The following PDE6A variants were observed in gnomAD, a reference collection of about 807,000 sequenced individuals.
PDE6A encodes the protein phosphodiesterase 6A.
Under a neutral mutation model 106.3 loss-of-function variants are expected in PDE6A, and 84 were observed. The ratio of observed to expected loss-of-function variants is 0.79; its 90% CI spans 0.66 to 0.95. PDE6A has a LOEUF of 0.95. Among genes scored for constraint, PDE6A ranks in the 40% least tolerant of loss-of-function variants. The pLI, the probability that PDE6A is intolerant of heterozygous loss-of-function variation, is 0.00. For synonymous variants in PDE6A, 394 were observed against 386.6 expected (o/e 1.02, Z -0.23); for missense variants, 1,052 against 1,084.9 (o/e 0.97, Z 0.43).
At chr5:149,898,239 A>G (rs908562166) in intron 10 of PDE6A, 124 bp downstream of exon 10, 2 of 803,664 alleles carry the variant, frequency 2.5e-6, no homozygotes, top group African/African-American at 3.4e-5. Flanking sequence ...AGGAAGGAAC[A>G]CAACAGTGCA....
intron 1 of PDE6A, among the ~76,000 whole-genome samples, chr5:149,935,424 C>A (rs183015873): frequency 9.2e-5 from 14 of 152,280 alleles, no homozygotes; most frequent in South Asian, 6.2e-4. Flanking sequence ...ACCACACAAC[C>A]AGTTCAGTAG....
Position 149,896,711 on chromosome 5 carries a change from C to T in PDE6A, c.1473G>A (p.Leu491=). 1 of 1,614,168 alleles carries T rather than the reference C, an allele frequency of 6.2e-7. No homozygotes were observed. Among genetic ancestry groups the T allele is most frequent in the Non-Finnish European group, 8.5e-7 (1 of 1,180,032 alleles). Reference sequence around the variant, plus strand: ...CTCGTGCTGCCCCGGTTCAGCTCACCAGGATCTCAGCCAGCTCCTCTTCCT... The same window carrying T: ...CTCGTGCTGCCCCGGTTCAGCTCACTAGGATCTCAGCCAGCTCCTCTTCCT... ...ECEEEELAEI[L]QAELPDADKY... The change falls in exon 11 of 22, where the codon CTG becomes CTA. Residue 491 remains leucine, a splice_region_variant and synonymous_variant. Transcript: ENST00000255266.
intron 15 of PDE6A, 44 bp from the exon 16 acceptor site, chr5:149,884,623 G>A: frequency 6.5e-7 from 1 of 1,535,420 alleles, no homozygotes; most frequent in South Asian, 1.1e-5. Flanking sequence ...ATTGATGCTG[G>A]CAGTAAAGTC....
At chr5:149,861,916 A>G (rs960344953) in intron 21 of PDE6A, among the ~76,000 whole-genome samples, 4 of 152,164 alleles carry the variant, frequency 2.6e-5, no homozygotes, top group Non-Finnish European at 5.9e-5. Flanking sequence ...CCTCACTGCC[A>G]TTTTTCTGGA....
Position 149,895,227 on chromosome 5 carries a change from G to T in PDE6A, c.1684C>A (p.Arg562=). 6 of 1,614,044 alleles carry T rather than the reference G, an allele frequency of 3.7e-6. No individual in the cohort carries two copies. Among genetic ancestry groups the T allele is most frequent in the African/African-American group, 1.3e-5 (1 of 75,046 alleles). The change falls in exon 13 of 22, where the codon CGG becomes AGG. Residue 562 remains arginine (R), a synonymous_variant. Coordinates refer to ENST00000255266, the MANE Select transcript of PDE6A (RefSeq NM_000440.3). ...GTCTGCCCCACGTTGAAGCCGTGCC[G>T]CCAGTTGTGGTAGGTGATCTTGCGG... The part of the protein sequence containing the change: ...GYRKITYHNW[R]HGFNVGQTMF...
chr5:149,891,889 C>A lies in PDE6A; in HGVS notation c.1728+3294G>T, dbSNP rs527790105. 3.3e-5 allele frequency among the ~76,000 whole-genome samples: 5 copies of A among 152,172 alleles called. 1 individual carries two copies. The highest frequency in any genetic ancestry group is 7.3e-5 in the Non-Finnish European group (5 of 68,036). On this transcript the variant is annotated intron_variant, in intron 13 of 21. Coordinates refer to ENST00000255266, the MANE Select transcript of PDE6A (RefSeq NM_000440.3). ...AATCTCAGGCAACACATTTCCAGCA[C>A]CCACTGGATCATCTGAACACTTACA...
intron 1 of PDE6A, among the ~76,000 whole-genome samples, chr5:149,935,128 T>C (rs1451912266): frequency 6.6e-6 from 1 of 152,202 alleles, no homozygotes; most frequent in Admixed American, 6.5e-5. Flanking sequence ...TGCATGGCAT[T>C]TTACCTGCGT....
rs138367105 is a variant in PDE6A at position 149,906,264 on chromosome 5, G to A, written c.1065+1048C>T. On this transcript the variant is annotated intron_variant, in intron 7 of 21. Transcript: ENST00000255266. ...TTTGAGGATGAGCATGGTGGTTCAC[G>A]CCTATAATCCCAGCACTTTGGGAGG... 5.2e-4 allele frequency among the ~76,000 whole-genome samples: 79 copies of A among 151,668 alleles called. No homozygotes were observed. In the East Asian group the frequency reaches 0.014, roughly 27 times the overall value.
chr5:149,858,886 A>G lies in PDE6A; in HGVS notation c.*2009T>C, dbSNP rs2005909. On this transcript the variant is annotated 3_prime_UTR_variant, in exon 22 of 22. Coordinates refer to ENST00000255266, the MANE Select transcript of PDE6A (RefSeq NM_000440.3). ...GTTGCCCAGGCTGGAGTGCAGTGGC[A>G]TGATCTCAGCTCACTGCAACCTTCG... 0.61 allele frequency: 85,747 copies of G among 140,954 alleles called. 25,492 individuals carry two copies. The highest frequency in any genetic ancestry group is 0.68 in the African/African-American group (25,648 of 37,958). The allele number at this position is 140,954 out of a possible 1,614,324, so 8.7% of individuals were successfully genotyped here.
At chr5:149,931,215 G>C in intron 3 of PDE6A, 47 bp from the exon 4 acceptor site, 1 of 1,574,976 alleles carries the variant, frequency 6.3e-7, no homozygotes, top group South Asian at 1.1e-5. Flanking sequence ...GTGCAAAGTA[G>C]TAGCTCACTT....
chr5:149,871,062 T>G (rs1760530961), intron 17 of PDE6A, among the ~76,000 whole-genome samples: 1 of 152,166 alleles, frequency 6.6e-6, no homozygotes, highest in Non-Finnish European at 1.5e-5. Flanking sequence ...AGGAGCCCTC[T>G]GTAATGGACA....
chr5:149,876,934 CATAG>C lies in PDE6A; in HGVS notation c.2135+6491_2135+6494del, dbSNP rs1183122335. The stretch of plus-strand genomic sequence containing the variant: ...GAGATGATAGATAGATAGATAGATA[CATAG>C]ATAGATAGATGATAGATAGATAGAT... On this transcript the variant is annotated intron_variant, in intron 17 of 21. Coordinates refer to ENST00000255266, the MANE Select transcript of PDE6A (RefSeq NM_000440.3). 4.3e-3 allele frequency among the ~76,000 whole-genome samples: 609 copies of C among 142,090 alleles called. 1 individual carries two copies. Among genetic ancestry groups the C allele is most frequent in the Non-Finnish European group, 5.4e-3 (364 of 67,480 alleles). The allele number at this position is 142,090 out of a possible 152,430, so 93.2% of individuals were successfully genotyped here. A position where few individuals can be genotyped will look rare whatever the true frequency, so the allele number is the denominator to read the frequency against.
At chr5:149,927,934 C>T (rs1753907848) in intron 4 of PDE6A, among the ~76,000 whole-genome samples, 1 of 151,676 alleles carries the variant, frequency 6.6e-6, no homozygotes, top group African/African-American at 2.4e-5. Flanking sequence ...CCCCATCTTC[C>T]ACCTCCACAC....
At chr5:149,908,494 TGAC>T (rs1054241429) in intron 6 of PDE6A, among the ~76,000 whole-genome samples, 3 of 152,230 alleles carry the variant, frequency 2.0e-5, no homozygotes, top group Admixed American at 6.5e-5. Flanking sequence ...GACTTTTAAA[TGAC>T]AGTCCTTGTG....
chr5:149,896,789 A>T lies in PDE6A; in HGVS notation c.1408-13T>A. The T allele has an allele frequency of 6.2e-7, 1 of 1,613,982 alleles. No homozygotes were observed. Among genetic ancestry groups the T allele is most frequent in the Non-Finnish European group, 8.5e-7 (1 of 1,179,960 alleles). ...CCTCTCTGGTTTTCTGCCAGGACCC[A>T]AAATGGCAGGGGAAAAAAAATAGGT... On this transcript the variant is annotated splice_polypyrimidine_tract_variant and intron_variant, in intron 10 of 21. Coordinates refer to ENST00000255266, the MANE Select transcript of PDE6A (RefSeq NM_000440.3).
rs896659325 is a variant in PDE6A at position 149,884,988 on chromosome 5, G to A, written c.1839-121C>T. On this transcript the variant is annotated intron_variant, in intron 14 of 21. Coordinates refer to ENST00000255266, the MANE Select transcript of PDE6A (RefSeq NM_000440.3). ...AGTGATTCCGAGTTACTTTTGGGTCGTGAACTCATTAGAGAATCTACTAAA... is the reference window on the plus strand; with the variant it reads ...AGTGATTCCGAGTTACTTTTGGGTCATGAACTCATTAGAGAATCTACTAAA... The A allele has an allele frequency of 3.3e-5, 26 of 799,756 alleles. 1 individual carries two copies. Among genetic ancestry groups the A allele is most frequent in the South Asian group, 1.6e-4 (11 of 69,876 alleles). The allele number at this position is 799,756 out of a possible 1,614,324, so 49.5% of individuals were successfully genotyped here. A position where few individuals can be genotyped will look rare whatever the true frequency, so the allele number is the denominator to read the frequency against.
Position 149,898,515 on chromosome 5 carries a change from G to A in PDE6A, c.1264-9C>T. The A allele has an allele frequency of 6.2e-7, 1 of 1,611,958 alleles. No individual in the cohort carries two copies. The highest frequency in any genetic ancestry group is 8.5e-7 in the Non-Finnish European group (1 of 1,179,718). ...AGAAATTGAGTCAAAGACTGAAAAA[G>A]AAAGAAAGGAGGAATCAGAGACAGA... is the stretch of plus-strand genomic sequence containing the variant. On this transcript the variant is annotated splice_polypyrimidine_tract_variant and intron_variant, in intron 9 of 21. Transcript: ENST00000255266.
intron 13 of PDE6A, among the ~76,000 whole-genome samples, chr5:149,890,934 G>A (rs1752521379): frequency 6.6e-6 from 1 of 152,184 alleles, no homozygotes; most frequent in African/African-American, 2.4e-5. Flanking sequence ...TCCAAGTCAA[G>A]TTACCTATGA....
intron 5 of PDE6A, among the ~76,000 whole-genome samples, chr5:149,917,169 T>C (rs1310735587): frequency 1.3e-5 from 2 of 151,946 alleles, no homozygotes; most frequent in Non-Finnish European, 2.9e-5. Context: ...TCTAGGAATA[T>C]ATTTTATCAT....
Sources: allele counts gnomAD v4.1 joint callset (sites outside exome capture counted in the v4.1 genomes callset), GRCh38; gene constraint gnomAD v4.1.1; transcripts MANE v1.5; gene names NCBI Gene and HGNC (gene_info 2026-07-23, HGNC 2026-07-21).